Variants in TMEM231 observed in about 807,000 individuals in gnomAD.
TMEM231 encodes the protein transmembrane protein 231.
In TMEM231, 40 loss-of-function variants were observed where a neutral mutation model predicts 38.5. The ratio of observed to expected loss-of-function variants is 1.04; its 90% CI spans 0.81 to 1.35. TMEM231 has a LOEUF of 1.35. TMEM231 is among the 40% of genes most tolerant of loss of function. TMEM231 has a pLI of 0.00. For synonymous variants in TMEM231, 199 were observed against 181.7 expected, an observed-to-expected ratio of 1.10 and a Z score of -0.77; for missense variants, 420 against 416.9, an observed-to-expected ratio of 1.01 and a Z score of -0.07.
Position 75,549,598 on chromosome 16 carries a change from T to C in TMEM231, c.310-3644A>G, listed in dbSNP as rs527420277. Among the ~76,000 whole-genome samples the C allele has an allele frequency of 1.6e-3, 241 of 152,314 alleles. 1 individual carries two copies. The highest frequency in any genetic ancestry group is 5.7e-3 in the African/African-American group (236 of 41,564). The stretch of plus-strand genomic sequence containing the variant: ...TGACTCCTGATTCAGGGCTCTTCTA[T>C]AATAGCTCATAAGAACTCTAACTGA... On this transcript the variant is annotated intron_variant, in intron 2 of 6. Coordinates refer to ENST00000258173, the MANE Select transcript of TMEM231 (RefSeq NM_001077418.3).
chr16:75,544,504 A>G (rs376182658), intron 4 of TMEM231, among the ~76,000 whole-genome samples: 2 of 152,170 alleles, frequency 1.3e-5, no homozygotes, highest in Non-Finnish European at 1.5e-5. Context: ...GGGGGCAGTG[A>G]TGGGACAAGT....
chr16:75,541,709 G>A (rs1310991185), intron 5 of TMEM231: 3 of 267,966 alleles, frequency 1.1e-5, no homozygotes, highest in Admixed American at 5.4e-5. Context: ...CTAACTGAAG[G>A]AATACTATAC....
At chr16:75,547,774 T>C (rs2080711016) in intron 2 of TMEM231, among the ~76,000 whole-genome samples, 4 of 152,072 alleles carry the variant, frequency 2.6e-5, no homozygotes, top group South Asian at 2.1e-4. Context: ...CGAGACTCCA[T>C]CTCAAAAAAA....
At chr16:75,549,484 G>C (rs1762533460) in intron 2 of TMEM231, among the ~76,000 whole-genome samples, 1 of 152,168 alleles carries the variant, frequency 6.6e-6, no homozygotes, top group Non-Finnish European at 1.5e-5. Flanking sequence ...CTCATGCCCT[G>C]TATATGGATA....
intron 2 of TMEM231, among the ~76,000 whole-genome samples, chr16:75,547,656 G>A (rs1278871094): frequency 5.3e-5 from 8 of 152,292 alleles, no homozygotes; most frequent in East Asian, 1.9e-4. Flanking sequence ...GCACGTGCCT[G>A]TAATCCCAGC....
intron 6 of TMEM231, 26 bp downstream of exon 6, chr16:75,541,324 C>T: frequency 6.4e-7 from 1 of 1,555,500 alleles, no homozygotes; most frequent in South Asian, 1.2e-5. Flanking sequence ...CCAGCCTTAA[C>T]ATGGACTCTT....
Position 75,545,489 on chromosome 16 carries a change from C to G in TMEM231, c.445G>C (p.Ala149Pro), listed in dbSNP as rs761206046. Residue 149 changes from alanine to proline, a missense_variant, in exon 4 of 7, where the codon GCG becomes CCG. Ala to Pro is a conservative substitution (Grantham distance 27, BLOSUM62 -1). Coordinates refer to ENST00000258173, the MANE Select transcript of TMEM231 (RefSeq NM_001077418.3). The stretch of plus-strand genomic sequence containing the variant: ...GCCATGCTCTGCATCACGAGGGTCG[C>G]CATCCTCTGAAATCATTAGAAGGAC... ...LTFSYRLHRM[A>P]TLVMQSMAFL... 5 of 1,558,766 alleles carry G rather than the reference C, an allele frequency of 3.2e-6. No homozygotes were observed. Among genetic ancestry groups the G allele is most frequent in the Non-Finnish European group, 4.4e-6 (5 of 1,148,870 alleles).
intron 2 of TMEM231, among the ~76,000 whole-genome samples, chr16:75,550,877 C>T (rs368749881): frequency 1.2e-3 from 182 of 152,068 alleles, no homozygotes; most frequent in African/African-American, 3.9e-3. Flanking sequence ...CCATCACACC[C>T]GGCTAATTTT....
chr16:75,548,594 C>T (rs1011063284), intron 2 of TMEM231, among the ~76,000 whole-genome samples: 10 of 152,092 alleles, frequency 6.6e-5, no homozygotes, highest in Non-Finnish European at 1.3e-4. Flanking sequence ...ATTGGCCAGG[C>T]GTGGTGGCTT....
chr16:75,538,579 G>C lies in TMEM231; in HGVS notation c.*1415C>G, dbSNP rs1053686043. ...TGCTTGAATACTTCAAAATAGCTTT[G>C]TTTCCAAAACTGTTTTAGTAAGCCT... On this transcript the variant is annotated 3_prime_UTR_variant, in exon 7 of 7. Coordinates refer to ENST00000258173, the MANE Select transcript of TMEM231 (RefSeq NM_001077418.3). The C allele has an allele frequency of 6.6e-6, 1 of 152,080 alleles. No individual in the cohort carries two copies. The highest frequency in any genetic ancestry group is 6.6e-5 in the Admixed American group (1 of 15,254). 9.4% of individuals were successfully genotyped at this position (152,080 alleles called of 1,614,324 possible).
In TMEM231 at chr16:75,539,409, T is replaced by C. The variant is rs1011462552; in HGVS notation, c.*585A>G. ...CTGGGGCAGGTGGACGGTCCAAGTG[T>C]CCTTCAGCGGCCCTCCCTGATTGCC... On this transcript the variant is annotated 3_prime_UTR_variant, in exon 7 of 7. Coordinates refer to ENST00000258173, the MANE Select transcript of TMEM231 (RefSeq NM_001077418.3). The C allele has an allele frequency of 7.9e-5, 12 of 152,116 alleles. No homozygotes were observed. The highest frequency in any genetic ancestry group is 2.2e-4 in the African/African-American group (9 of 41,534). The allele number at this position is 152,116 out of a possible 1,614,324, so 9.4% of individuals were successfully genotyped here.
intron 3 of TMEM231, 126 bp downstream of exon 3, chr16:75,545,700 G>C (rs1351522674): frequency 5.2e-6 from 3 of 575,196 alleles, no homozygotes; most frequent in Non-Finnish European, 8.4e-6. Flanking sequence ...ATTGGCCTAA[G>C]TTAAATCCCA....
chr16:75,553,954 T>C (rs1597049048), intron 2 of TMEM231, among the ~76,000 whole-genome samples: 1 of 152,170 alleles, frequency 6.6e-6, no homozygotes, highest in African/African-American at 2.4e-5. Context: ...GGAAAGATGA[T>C]TTAGCTTCTT....
rs1396189322 is a variant in TMEM231 at position 75,546,528 on chromosome 16, C to T, written c.310-574G>A. The stretch of plus-strand genomic sequence containing the variant: ...CGCAATCACGGCTCACTACAACCTC[C>T]GCCTCCCAGGGTCAAGGAATTGTCC... On this transcript the variant is annotated intron_variant, in intron 2 of 6. Transcript: ENST00000258173. Among the ~76,000 whole-genome samples, 4 of 152,078 alleles carry T rather than the reference C, an allele frequency of 2.6e-5. No individual in the cohort carries two copies. The East Asian group carries it at 5.8e-4, about 22-fold the overall frequency.
At chr16:75,544,860 G>A (rs1361269784) in intron 4 of TMEM231, among the ~76,000 whole-genome samples, 1 of 150,458 alleles carries the variant, frequency 6.6e-6, no homozygotes, top group Non-Finnish European at 1.5e-5. Flanking sequence ...CTTCTCTGTA[G>A]TTTGAAAAAA....
intron 2 of TMEM231, among the ~76,000 whole-genome samples, chr16:75,548,675 C>A (rs534178000): frequency 6.6e-6 from 1 of 152,292 alleles, no homozygotes; most frequent in South Asian, 2.1e-4. Context: ...TCGAGAGCAG[C>A]CTGGGCAACA....
In TMEM231 at chr16:75,551,588, CACTT is replaced by C. The variant is rs375592567; in HGVS notation, c.309+4212_309+4215del. Among the ~76,000 whole-genome samples, 46 of 152,304 alleles carry C rather than the reference CACTT, an allele frequency of 3.0e-4. 1 individual carries two copies. In the East Asian group the frequency reaches 5.6e-3, roughly 19 times the overall value. Reference sequence around the variant, plus strand: ...AATTAAACTATGACACTTTTCTAATCACTTACTTTTTAAAAAGTTACTAAAAGAG... The same window carrying C: ...AATTAAACTATGACACTTTTCTAATCACTTTTTAAAAAGTTACTAAAAGAG... On this transcript the variant is annotated intron_variant, in intron 2 of 6. Coordinates refer to ENST00000258173, the MANE Select transcript of TMEM231 (RefSeq NM_001077418.3).
At chr16:75,541,642 C>A in intron 5 of TMEM231, 187 bp from the exon 6 acceptor site, 1 of 403,180 alleles carries the variant, frequency 2.5e-6, no homozygotes, top group African/African-American at 2.1e-5. Context: ...AGTCAAAATA[C>A]TTTTGTTAAA....
At chr16:75,549,359 C>T (rs1567438196) in intron 2 of TMEM231, among the ~76,000 whole-genome samples, 1 of 152,190 alleles carries the variant, frequency 6.6e-6, no homozygotes. Flanking sequence ...AGAGAATTCA[C>T]ATATCACACC....
Sources: gnomAD v4.1 joint callset for allele counts (sites outside exome capture counted in the v4.1 genomes callset) on GRCh38, gnomAD v4.1.1 for gene constraint, MANE v1.5 for transcripts, NCBI Gene and HGNC (gene_info 2026-07-23, HGNC 2026-07-21) for gene names.